HSPH1: variants seen among roughly 807,000 people sequenced by gnomAD.
HSPH1 encodes the protein heat shock protein family H (Hsp110) member 1.
In HSPH1, 40 loss-of-function variants were observed where a neutral mutation model predicts 100.0. The ratio of observed to expected loss-of-function variants is 0.40; its 90% CI spans 0.31 to 0.52. The LOEUF is 0.52. Ranked by LOEUF, HSPH1 falls within the 20% of genes least tolerant of loss-of-function variation. HSPH1 has a pLI of 0.54. For synonymous variants in HSPH1, 403 were observed against 344.0 expected (o/e 1.17, Z -1.90); for missense variants, 876 against 1,015.1 (o/e 0.86, Z 1.86).
At chr13:31,151,893 T>A in intron 5 of HSPH1, 151 bp from the exon 6 acceptor site, 2 of 603,784 alleles carry the variant, frequency 3.3e-6, no homozygotes, top group South Asian at 2.2e-5. Flanking sequence ...GACTTCACAC[T>A]GATTTTCTTG....
intron 1 of HSPH1, among the ~76,000 whole-genome samples, chr13:31,161,195 C>G (rs1363308805): frequency 6.6e-6 from 1 of 152,152 alleles, no homozygotes; most frequent in Non-Finnish European, 1.5e-5. Flanking sequence ...TTTGAAAACC[C>G]CCAATAGGAA....
chr13:31,139,551 T>G (rs1197503171), intron 14 of HSPH1, among the ~76,000 whole-genome samples: 1 of 152,024 alleles, frequency 6.6e-6, no homozygotes, highest in African/African-American at 2.4e-5. Context: ...CATAAGAAAC[T>G]CAGAGAATGT....
In HSPH1 at chr13:31,138,458, A is replaced by G; in HGVS notation, c.2319T>C (p.Ser773=). 6.2e-7 allele frequency: 1 copy of G among 1,613,086 alleles called. No individual in the cohort carries two copies. The highest frequency in any genetic ancestry group is 8.5e-7 in the Non-Finnish European group (1 of 1,179,436). The change falls in exon 17 of 18, where the codon AGT becomes AGC. Residue 773 remains serine (S), a synonymous_variant. Transcript: ENST00000320027. ...NNVMNAQAKK[S]LDQDPVVRAQ... Reference sequence around the variant, plus strand: ...CACGTACAACTGGATCCTGATCAAGACTCTTTTTAGCCTGAGCATTCATGA... The same window carrying G: ...CACGTACAACTGGATCCTGATCAAGGCTCTTTTTAGCCTGAGCATTCATGA...
chr13:31,142,118 A>G (rs1398384658), intron 12 of HSPH1, among the ~76,000 whole-genome samples: 1 of 152,084 alleles, frequency 6.6e-6, no homozygotes. Flanking sequence ...TGACAACCAC[A>G]GTGTGTAACA....
intron 8 of HSPH1, among the ~76,000 whole-genome samples, 167 bp downstream of exon 8, chr13:31,149,787 G>C (rs112667156): frequency 3.3e-5 from 5 of 152,192 alleles, no homozygotes; most frequent in African/African-American, 1.2e-4. Flanking sequence ...AAATTTACTG[G>C]ATCTTTTAGA....
chr13:31,140,138 A>G, intron 14 of HSPH1, 46 bp downstream of exon 14: 1 of 1,503,894 alleles, frequency 6.6e-7, no homozygotes, highest in Non-Finnish European at 9.0e-7. Flanking sequence ...GATATTAAAC[A>G]CTTCATATGA....
intron 11 of HSPH1, among the ~76,000 whole-genome samples, chr13:31,145,322 A>G (rs1441058679): frequency 1.3e-5 from 2 of 152,192 alleles, no homozygotes; most frequent in South Asian, 4.1e-4. Flanking sequence ...TCAATAAAAC[A>G]TCATCTACTC....
intron 12 of HSPH1, among the ~76,000 whole-genome samples, chr13:31,143,588 T>C (rs1956172310): frequency 6.6e-6 from 1 of 152,144 alleles, no homozygotes; most frequent in South Asian, 2.1e-4. Flanking sequence ...TTTAAAAGTT[T>C]AAAGCAGGAC....
At position 31,151,435 on chromosome 13, in the gene HSPH1, G is replaced by C. The variant is rs149368616; in HGVS notation, c.663+174C>G. The C allele has an allele frequency of 8.0e-4, 548 of 684,348 alleles. 1 individual carries two copies. Among genetic ancestry groups the C allele is most frequent in the African/African-American group, 6.2e-3 (340 of 55,174 alleles). The allele number at this position is 684,348 out of a possible 1,614,324, so 42.4% of individuals were successfully genotyped here. On this transcript the variant is annotated intron_variant, in intron 6 of 17. Transcript: ENST00000320027. ...ACAAGAACACTTAAGAGTATGCTAA[G>C]ACAATTACATCATCTTTATGGAGCT...
intron 8 of HSPH1, among the ~76,000 whole-genome samples, chr13:31,148,755 G>T (rs1271814411): frequency 6.6e-6 from 1 of 151,950 alleles, no homozygotes; most frequent in Admixed American, 6.6e-5. Context: ...AAAAAAGCCT[G>T]GTCTTTCTAG....
In HSPH1 at chr13:31,137,363, T is replaced by G; in HGVS notation, c.2532A>C (p.Glu844Asp). The change falls in exon 18 of 18, where the codon GAA becomes GAC. Residue 844 changes from glutamate (E) to aspartate (D), a missense_variant. Transcript: ENST00000320027. ...CAGAATTTTTCTCATTAGGGTAACA[T>G]TCACCATTCTGATGTGGAGGTTCAG... ...FGAEPPHQNG[E>D]CYPNEKNSVN... 1 of 1,613,326 alleles carries G rather than the reference T, an allele frequency of 6.2e-7. No homozygotes were observed.
chr13:31,155,887 G>A (rs1408336246), intron 2 of HSPH1, among the ~76,000 whole-genome samples: 2 of 152,118 alleles, frequency 1.3e-5, no homozygotes, highest in Non-Finnish European at 2.9e-5. Context: ...GGAACAAGAG[G>A]CAAAATAGTG....
rs867959676 is a variant in HSPH1, at chr13:31,135,234, G to A, written c.*2084C>T. On this transcript the variant is annotated 3_prime_UTR_variant, in exon 18 of 18. Coordinates refer to ENST00000320027, the MANE Select transcript of HSPH1 (RefSeq NM_006644.4). Reference sequence around the variant, plus strand: ...GCCAGACTGACTGATGCTCCCTCCCGTCATCAGGTTCTATTTTAGGACAGG... The same window carrying A: ...GCCAGACTGACTGATGCTCCCTCCCATCATCAGGTTCTATTTTAGGACAGG... 1.3e-4 allele frequency: 20 copies of A among 152,224 alleles called. No homozygotes were observed. Among genetic ancestry groups the A allele is most frequent in the African/African-American group, 4.3e-4 (18 of 41,520 alleles). The allele number at this position is 152,224 out of a possible 1,614,324, so 9.4% of individuals were successfully genotyped here.
chr13:31,158,788 T>C lies in HSPH1; in HGVS notation c.165+18A>G. The C allele has an allele frequency of 6.4e-7, 1 of 1,561,832 alleles. No homozygotes were observed. Among genetic ancestry groups the C allele is most frequent in the East Asian group, 2.2e-5 (1 of 44,590 alleles). ...CTCCCCCCTTAAAAAGTGATCCGAA[T>C]TCTCTTAAAGAACATACCTGATTTT... On this transcript the variant is annotated intron_variant, in intron 2 of 17. Coordinates refer to ENST00000320027, the MANE Select transcript of HSPH1 (RefSeq NM_006644.4).
chr13:31,161,834 T>G lies in HSPH1; in HGVS notation c.-252A>C, dbSNP rs1446031201. The G allele has an allele frequency of 6.8e-7, 1 of 1,476,032 alleles. No individual in the cohort carries two copies. Among genetic ancestry groups the G allele is most frequent in the Admixed American group, 2.3e-5 (1 of 44,124 alleles). The allele number at this position is 1,476,032 out of a possible 1,614,324, so 91.4% of individuals were successfully genotyped here. A position where few individuals can be genotyped will look rare whatever the true frequency, so the allele number is the denominator to read the frequency against. On this transcript the variant is annotated 5_prime_UTR_variant, in exon 1 of 18. Transcript: ENST00000320027. ...GCGGGGCTCAGCCTCCGCAGGTCGC[T>G]CCGCACCTCGGGTTGCCTGCCTCAC... is the stretch of plus-strand genomic sequence containing the variant.
At chr13:31,156,194 T>C (rs113025872) in intron 2 of HSPH1, among the ~76,000 whole-genome samples, 4,064 of 152,178 alleles carry the variant, frequency 0.027, 196 homozygotes, top group African/African-American at 0.093. Flanking sequence ...ATGGAGACCA[T>C]CCTGGCTAAC....
intron 2 of HSPH1, among the ~76,000 whole-genome samples, 177 bp from the exon 3 acceptor site, chr13:31,155,831 C>G (rs1235611630): frequency 6.6e-6 from 1 of 152,178 alleles, no homozygotes; most frequent in African/African-American, 2.4e-5. Context: ...TTTATTTATA[C>G]TTTTTCCTTC....
Position 31,135,390 on chromosome 13 carries a change from T to C in HSPH1, c.*1928A>G, listed in dbSNP as rs1031131140. ...TGTATCTACTAAGTATACATTAATG[T>C]GCATTAAAGACATTCAGAAAACATA... On this transcript the variant is annotated 3_prime_UTR_variant, in exon 18 of 18. Transcript: ENST00000320027. The C allele has an allele frequency of 6.6e-5, 10 of 152,244 alleles. No homozygotes were observed. The highest frequency in any genetic ancestry group is 2.4e-4 in the African/African-American group (10 of 41,472). The allele number at this position is 152,244 out of a possible 1,614,324, so 9.4% of individuals were successfully genotyped here.
rs113704557 is a variant in HSPH1, at chr13:31,153,291, A to C, written c.430-340T>G. 1.1e-4 allele frequency among the ~76,000 whole-genome samples: 17 copies of C among 152,342 alleles called. 1 individual carries two copies. The highest frequency in any genetic ancestry group is 4.1e-4 in the African/African-American group (17 of 41,578). ...AGCAGATCAAATCTGCTTCCAAACT[A>C]GTTGTAAGTTTCTACTGGCATTAGG... On this transcript the variant is annotated intron_variant, in intron 4 of 17. Coordinates refer to ENST00000320027, the MANE Select transcript of HSPH1 (RefSeq NM_006644.4).
Sources: gnomAD v4.1 joint callset for allele counts (sites outside exome capture counted in the v4.1 genomes callset) on GRCh38, gnomAD v4.1.1 for gene constraint, MANE v1.5 for transcripts, NCBI Gene and HGNC (gene_info 2026-07-23, HGNC 2026-07-21) for gene names.